The following AOPEP variants were observed in gnomAD, a reference collection of about 807,000 sequenced individuals.
AOPEP encodes aminopeptidase O (putative).
AOPEP carries 77 observed loss-of-function variants against 98.1 expected under a neutral mutation model. That is an observed-to-expected ratio of 0.78 (90% CI 0.65 to 0.95). The LOEUF (loss-of-function observed/expected upper bound fraction) is 0.95. Among genes scored for constraint, AOPEP ranks in the 40% least tolerant of loss-of-function variants. The pLI is 0.00. For synonymous variants in AOPEP, 346 were observed against 365.3 expected, an observed-to-expected ratio of 0.95 and a Z score of 0.60; for missense variants, 1,024 against 1,024.7, an observed-to-expected ratio of 1.00 and a Z score of 0.01.
At chr9:94,968,573 C>T (rs1380087592) in intron 10 of AOPEP, among the ~76,000 whole-genome samples, 3 of 152,094 alleles carry the variant, frequency 2.0e-5, no homozygotes, top group African/African-American at 4.8e-5. Flanking sequence ...GTTGGGGTTT[C>T]GCCATGTTGG....
intron 7 of AOPEP, among the ~76,000 whole-genome samples, chr9:94,951,569 G>A (rs559426106): frequency 6.6e-6 from 1 of 152,346 alleles, no homozygotes; most frequent in African/African-American, 2.4e-5. Context: ...CTGGCACAGA[G>A]GATAACCAGG....
chr9:95,080,788 T>A lies in AOPEP; in HGVS notation c.2319+8T>A. 3.7e-6 allele frequency: 6 copies of A among 1,603,722 alleles called. No individual in the cohort carries two copies. The highest frequency in any genetic ancestry group is 5.1e-6 in the Non-Finnish European group (6 of 1,170,492). ...TTCCTTCAGGAGGATCAGGTAGGTG[T>A]CATCTTTCAGCAGATGGGGATTCTG... On this transcript the variant is annotated splice_region_variant and intron_variant, in intron 15 of 16. Coordinates refer to ENST00000375315, the MANE Select transcript of AOPEP (RefSeq NM_001193329.3).
rs771479023 is a variant in AOPEP, at chr9:95,060,780, G to T, written c.2202G>T (p.Arg734Ser). Reference protein sequence around the residue: ...LSPRTLQSLQRTYHLQDQDAE... With the variant: ...LSPRTLQSLQSTYHLQDQDAE... ...CCCGAACTCTGCAAAGCCTCCAGAG[G>T]ACATACCACCTCCAGGATCAGGATG... The change falls in exon 14 of 17, where the codon AGG becomes AGT. Residue 734 changes from arginine (R) to serine (S), a missense_variant. Coordinates refer to ENST00000375315, the MANE Select transcript of AOPEP (RefSeq NM_001193329.3). 1.2e-6 allele frequency: 2 copies of T among 1,613,334 alleles called. No homozygotes were observed. The highest frequency in any genetic ancestry group is 2.2e-5 in the South Asian group (2 of 91,056).
chr9:95,091,504 G>GTATA (rs2070866310), downstream of AOPEP, among the ~76,000 whole-genome samples: 1 of 152,182 alleles, frequency 6.6e-6, no homozygotes, highest in Admixed American at 6.5e-5. Flanking sequence ...GACAGTCACT[G>GTATA]TATAGGGGCA....
At chr9:95,059,484 G>A (rs1329254301) in intron 13 of AOPEP, among the ~76,000 whole-genome samples, 1 of 150,436 alleles carries the variant, frequency 6.6e-6, no homozygotes, top group African/African-American at 2.5e-5. Context: ...CTGTCTGCCC[G>A]TTGCCCCCCG....
the AOPEP span, among the ~76,000 whole-genome samples, chr9:95,138,305 T>G: frequency 6.6e-6 from 1 of 152,200 alleles, no homozygotes; most frequent in Non-Finnish European, 1.5e-5. Flanking sequence ...GCAGCTTTAC[T>G]GGGTGGGCCA....
At chr9:94,829,166 G>A (rs1390140667) in intron 5 of AOPEP, among the ~76,000 whole-genome samples, 16 of 151,780 alleles carry the variant, frequency 1.1e-4, no homozygotes. Flanking sequence ...ACTGTGCCTG[G>A]CCACTAAGTT....
intron 5 of AOPEP, among the ~76,000 whole-genome samples, chr9:94,878,625 T>G (rs2047238137): frequency 6.6e-6 from 1 of 152,142 alleles, no homozygotes; most frequent in African/African-American, 2.4e-5. Flanking sequence ...GTTCTACTAT[T>G]AGGGGCATAC....
chr9:95,121,178 G>C, the AOPEP span, among the ~76,000 whole-genome samples: 153 of 152,328 alleles, frequency 1.0e-3, 2 homozygotes, highest in African/African-American at 3.6e-3. Flanking sequence ...ACCAGATGCT[G>C]TCATGGCTGC....
chr9:95,126,580 G>A, the AOPEP span: 1 of 1,613,994 alleles, frequency 6.2e-7, no homozygotes, highest in Non-Finnish European at 8.5e-7. Context: ...GGCTGCTTGA[G>A]GCTGTAAAAG....
chr9:94,775,549 T>C (rs1841902563), intron 3 of AOPEP, among the ~76,000 whole-genome samples: 1 of 152,068 alleles, frequency 6.6e-6, no homozygotes, highest in Non-Finnish European at 1.5e-5. Context: ...GTATTTTTAG[T>C]AGAGACAGGG....
At chr9:94,841,479 A>C (rs897827061) in intron 5 of AOPEP, among the ~76,000 whole-genome samples, 1 of 151,948 alleles carries the variant, frequency 6.6e-6, no homozygotes, top group Non-Finnish European at 1.5e-5. Flanking sequence ...TGGCCACTCC[A>C]CACATTTTGA....
At chr9:95,127,913 A>C in the AOPEP span, among the ~76,000 whole-genome samples, 4 of 152,322 alleles carry the variant, frequency 2.6e-5, no homozygotes, top group Admixed American at 1.3e-4. Context: ...TAATTATTTC[A>C]AGATTTCTAA....
In AOPEP at chr9:94,928,480, G is replaced by A. The variant is rs41281176; in HGVS notation, c.1610G>A (p.Arg537His). The A allele has an allele frequency of 7.0e-5, 109 of 1,550,424 alleles. No homozygotes were observed. The Middle Eastern group carries it at 1.2e-3, about 17-fold the overall frequency. Residue 537 changes from arginine (R) to histidine (H), a missense_variant, in exon 7 of 17, where the codon CGT becomes CAT. Coordinates refer to ENST00000375315, the MANE Select transcript of AOPEP (RefSeq NM_001193329.3). ...GAGCTGAGGGCTTGTCTGCGCTGGCGTCGCCTCCAGGACGAGATGCAATGC... is the reference window on the plus strand; with the variant it reads ...GAGCTGAGGGCTTGTCTGCGCTGGCATCGCCTCCAGGACGAGATGCAATGC... ...QQELRACLRW[R>H]RLQDEMQCSP...
the AOPEP span, chr9:95,101,126 G>A: frequency 1.7e-5 from 4 of 240,346 alleles, no homozygotes; most frequent in Non-Finnish European, 3.3e-5. Flanking sequence ...GTGTGCCGGA[G>A]GCCCGGGCTT....
intron 3 of AOPEP, among the ~76,000 whole-genome samples, chr9:94,788,337 C>T (rs1430666301): frequency 1.3e-5 from 2 of 152,128 alleles, no homozygotes; most frequent in Non-Finnish European, 2.9e-5. Context: ...CCTAGGCCTC[C>T]CAAAGTGCTA....
At chr9:94,932,141 TAAAA>T in intron 7 of AOPEP, 1 of 1,006,520 alleles carries the variant, frequency 9.9e-7, no homozygotes, top group Non-Finnish European at 1.2e-6. Flanking sequence ...TTAAAACAAA[TAAAA>T]AAACAAACAA....
chr9:95,097,662 A>C, the AOPEP span, among the ~76,000 whole-genome samples: 2 of 152,246 alleles, frequency 1.3e-5, no homozygotes, highest in African/African-American at 4.8e-5. Context: ...GCTTGCAACC[A>C]AAAGTCCTGG....
At chr9:95,033,021 G>A (rs1189264263) in intron 13 of AOPEP, among the ~76,000 whole-genome samples, 1 of 152,182 alleles carries the variant, frequency 6.6e-6, no homozygotes, top group Non-Finnish European at 1.5e-5. Context: ...GGAGATTGCA[G>A]TTGGAAAAAG....
Sources: gnomAD v4.1 joint callset for allele counts (sites outside exome capture counted in the v4.1 genomes callset) on GRCh38, gnomAD v4.1.1 for gene constraint, MANE v1.5 for transcripts, NCBI Gene and HGNC (gene_info 2026-07-23, HGNC 2026-07-21) for gene names.